ZNF615: variants seen among roughly 807,000 people sequenced by gnomAD.
The protein encoded by ZNF615 is zinc finger protein 615.
In ZNF615, 15 loss-of-function variants were observed where a neutral mutation model predicts 15.3. That is an observed-to-expected ratio of 0.98 (90% CI 0.66 to 1.51). The LOEUF (loss-of-function observed/expected upper bound fraction) is 1.51, where lower values mean the gene tolerates loss of function less well. Among genes scored for constraint, ZNF615 ranks in the 40% most tolerant of loss-of-function variants. The pLI is 0.00. For missense variants in ZNF615, 848 were observed against 895.9 expected, an observed-to-expected ratio of 0.95 and a Z score of 0.68; for synonymous variants, 268 against 294.6, an observed-to-expected ratio of 0.91 and a Z score of 0.92.
intron 6 of ZNF615, among the ~76,000 whole-genome samples, chr19:51,998,921 C>T (rs1287930877): frequency 1.3e-5 from 2 of 152,168 alleles, no homozygotes; most frequent in Non-Finnish European, 2.9e-5. Flanking sequence ...TCCCAAAATG[C>T]TGGGATTACA....
chr19:52,003,422 A>G (rs1355809814), intron 3 of ZNF615, among the ~76,000 whole-genome samples: 1 of 152,198 alleles, frequency 6.6e-6, no homozygotes. Flanking sequence ...CACAGTTGAT[A>G]TAACTTATCA....
At chr19:52,005,042 C>T (rs753813218) in intron 2 of ZNF615, among the ~76,000 whole-genome samples, 32 of 152,202 alleles carry the variant, frequency 2.1e-4, no homozygotes, top group African/African-American at 7.7e-4. Flanking sequence ...GGGCAGATCA[C>T]GAGGTCAGGA....
At chr19:52,003,498 TC>T (rs1178841332) in intron 3 of ZNF615, among the ~76,000 whole-genome samples, 198 bp downstream of exon 3, 1 of 152,098 alleles carries the variant, frequency 6.6e-6, no homozygotes, top group Non-Finnish European at 1.5e-5. Context: ...ACCTACGGGG[TC>T]CCACACAGTC....
chr19:52,000,197 G>A (rs977817377), intron 6 of ZNF615, 149 bp downstream of exon 6: 1 of 418,536 alleles, frequency 2.4e-6, no homozygotes, highest in African/African-American at 2.0e-5. Context: ...ATCAAGACAG[G>A]AACAATAGAC....
At chr19:52,008,016 C>T in intron 1 of ZNF615, 125 bp downstream of exon 1, 6 of 860,172 alleles carry the variant, frequency 7.0e-6, no homozygotes, top group Non-Finnish European at 1.1e-5. Flanking sequence ...GAAAGAATTC[C>T]ACTGGCGTCG....
At chr19:51,998,503 A>C (rs2086504302) in intron 6 of ZNF615, among the ~76,000 whole-genome samples, 1 of 152,012 alleles carries the variant, frequency 6.6e-6, no homozygotes, top group South Asian at 2.1e-4. Context: ...AGCAATTTTT[A>C]CTCCAAGATA....
chr19:52,007,041 C>T (rs2086772232), intron 2 of ZNF615, among the ~76,000 whole-genome samples: 1 of 152,002 alleles, frequency 6.6e-6, no homozygotes, highest in African/African-American at 2.4e-5. Flanking sequence ...AAAAATAATA[C>T]CTAAACATTT....
Position 51,994,849 on chromosome 19 carries a change from G to A in ZNF615, c.272-12C>T, listed in dbSNP as rs758282810. ...AATTTTCCTGATTTCTAGGAAAGAA[G>A]AGAACAGTCAATCACTCCATCATCT... On this transcript the variant is annotated splice_polypyrimidine_tract_variant and intron_variant, in intron 6 of 6. Coordinates refer to ENST00000598071, the MANE Select transcript of ZNF615 (RefSeq NM_001199324.2). The A allele has an allele frequency of 2.5e-6, 4 of 1,569,404 alleles. No individual in the cohort carries two copies. The Admixed American group carries it at 7.8e-5, about 31-fold the overall frequency.
Position 51,993,039 on chromosome 19 carries a change from C to T in ZNF615, c.2070G>A (p.Pro690=), listed in dbSNP as rs146634089. Residue 690 remains proline, a synonymous_variant, in exon 7 of 7, where the codon CCG becomes CCA. Coordinates refer to ENST00000598071, the MANE Select transcript of ZNF615 (RefSeq NM_001199324.2). ...CTTTCCCGCAGTCACTGCATTTGTACGGTTTCTCTCCTGTGTGAATTCTCT... is the reference window on the plus strand; with the variant it reads ...CTTTCCCGCAGTCACTGCATTTGTATGGTTTCTCTCCTGTGTGAATTCTCT... ...THQRIHTGEK[P]YKCSDCGKAF... is the part of the protein sequence containing the mutation. 4.3e-5 allele frequency: 70 copies of T among 1,614,020 alleles called. No homozygotes were observed. Among genetic ancestry groups the T allele is most frequent in the Non-Finnish European group, 5.6e-5 (66 of 1,180,014 alleles).
Position 52,003,778 on chromosome 19 carries a change from C to A in ZNF615, c.-67G>T. 1 of 1,591,230 alleles carries A rather than the reference C, an allele frequency of 6.3e-7. No homozygotes were observed. Among genetic ancestry groups the A allele is most frequent in the Non-Finnish European group, 8.5e-7 (1 of 1,171,392 alleles). ...TGTATTTGTCTCTTCTGAATCAGCT[C>A]TAAATTTCGGTTCAAAAACTTCAAT... On this transcript the variant is annotated 5_prime_UTR_variant, in exon 3 of 7. Transcript: ENST00000598071.
At chr19:52,001,760 G>A (rs2086600762) in intron 5 of ZNF615, 53 bp downstream of exon 5, 1 of 1,497,954 alleles carries the variant, frequency 6.7e-7, no homozygotes, top group South Asian at 1.1e-5. Context: ...CCTGCTCTGT[G>A]TGGGCAGAAC....
At chr19:52,001,616 C>CAAAAAAA (rs200193378) in intron 5 of ZNF615, among the ~76,000 whole-genome samples, 197 bp downstream of exon 5, 1 of 105,372 alleles carries the variant, frequency 9.5e-6, no homozygotes, top group Non-Finnish European at 2.2e-5. Flanking sequence ...GACTCCATCT[C>CAAAAAAA]AAAAAAAAAA....
At chr19:52,006,428 G>C (rs544454513) in intron 2 of ZNF615, among the ~76,000 whole-genome samples, 18 of 152,308 alleles carry the variant, frequency 1.2e-4, no homozygotes, top group Non-Finnish European at 2.2e-4. Context: ...CAATGAGCAA[G>C]AAGCAGAATC....
In ZNF615 at chr19:51,994,804, T is replaced by A. The variant is rs182469182; in HGVS notation, c.305A>T (p.His102Leu). The A allele has an allele frequency of 1.2e-6, 2 of 1,603,144 alleles. No homozygotes were observed. The highest frequency in any genetic ancestry group is 2.2e-5 in the East Asian group (1 of 44,738). ...IRKIDDPLQH[H>L]LQNQSIQKSV... ...CTTCTGAATACTTTGATTTTGCAAG[T>A]GATGCTGCAGAGGATCATCAATTTT... The change falls in exon 7 of 7, where the codon CAC becomes CTC. Residue 102 changes from histidine (H) to leucine (L), a missense_variant. Transcript: ENST00000598071.
intron 5 of ZNF615, among the ~76,000 whole-genome samples, 197 bp downstream of exon 5, chr19:52,001,616 C>CAAAA (rs200193378): frequency 5.7e-5 from 6 of 105,386 alleles, no homozygotes; most frequent in Middle Eastern, 5.9e-3. Flanking sequence ...GACTCCATCT[C>CAAAA]AAAAAAAAAA....
intron 6 of ZNF615, among the ~76,000 whole-genome samples, 190 bp from the exon 7 acceptor site, chr19:51,995,027 T>G (rs1026462978): frequency 2.6e-5 from 4 of 151,854 alleles, no homozygotes; most frequent in Non-Finnish European, 4.4e-5. Flanking sequence ...GAAAAAGGAG[T>G]CAGAAAAGGG....
chr19:51,991,353 G>A lies in ZNF615; in HGVS notation c.*1527C>T, dbSNP rs2086229932. The A allele has an allele frequency of 3.3e-5, 5 of 152,156 alleles. No homozygotes were observed. The highest frequency in any genetic ancestry group is 3.3e-4 in the Admixed American group (5 of 15,282). 9.4% of individuals were successfully genotyped at this position (152,156 alleles called of 1,614,324 possible). On this transcript the variant is annotated 3_prime_UTR_variant, in exon 7 of 7. Coordinates refer to ENST00000598071, the MANE Select transcript of ZNF615 (RefSeq NM_001199324.2). ...AGCCTGTGTGTACAAATGTTCATAG[G>A]ATTTTTATTTGTAACAGTAAGAAAA...
At position 51,993,108 on chromosome 19, in the gene ZNF615, T is replaced by C; in HGVS notation, c.2001A>G (p.Glu667=). The change falls in exon 7 of 7, where the codon GAA becomes GAG. Residue 667 remains glutamate (E), a synonymous_variant. Transcript: ENST00000598071. Reference sequence around the variant, plus strand: ...TTTTGCGCAAAGAGAATTTTCCACATTCAGTACATGCAAAGGAAGTCTTTC... The same window carrying C: ...TTTTGCGCAAAGAGAATTTTCCACACTCAGTACATGCAAAGGAAGTCTTTC... The part of the protein sequence containing the change: ...HTGKTSFACT[E]CGKFSLRKND... The C allele has an allele frequency of 1.9e-6, 3 of 1,614,208 alleles. No individual in the cohort carries two copies. Among genetic ancestry groups the C allele is most frequent in the Non-Finnish European group, 2.5e-6 (3 of 1,180,026 alleles).
At chr19:51,996,089 CA>C (rs1228256210) in intron 6 of ZNF615, among the ~76,000 whole-genome samples, 3 of 151,680 alleles carry the variant, frequency 2.0e-5, no homozygotes, top group African/African-American at 7.3e-5. Context: ...AAGATTATTC[CA>C]AAAATTATAT....
Sources: allele counts gnomAD v4.1 joint callset (sites outside exome capture counted in the v4.1 genomes callset), GRCh38; gene constraint gnomAD v4.1.1; transcripts MANE v1.5; gene names NCBI Gene and HGNC (gene_info 2026-07-23, HGNC 2026-07-21).